ATP5PF: variants seen among roughly 807,000 people sequenced by gnomAD.
ATP5PF encodes ATP synthase peripheral stalk subunit F6.
ATP5PF carries 7 observed loss-of-function variants against 12.0 expected under a neutral mutation model. The ratio of observed to expected loss-of-function variants is 0.58; its 90% CI spans 0.33 to 1.10. ATP5PF has a LOEUF of 1.10. ATP5PF is among the 50% of genes least tolerant of loss of function. ATP5PF has a pLI of 0.03. For synonymous variants in ATP5PF, 41 were observed against 45.4 expected (o/e 0.90, Z 0.39); for missense variants, 120 against 127.7 (o/e 0.94, Z 0.29).
intron 2 of ATP5PF, among the ~76,000 whole-genome samples, chr21:25,726,753 T>C (rs2034629987): frequency 6.6e-6 from 1 of 152,256 alleles, no homozygotes; most frequent in Non-Finnish European, 1.5e-5. Flanking sequence ...CTTCTGTTTT[T>C]GTCATAAATA....
upstream of ATP5PF, chr21:25,735,302 T>A: frequency 2.8e-6 from 1 of 352,608 alleles, no homozygotes; most frequent in African/African-American, 2.1e-5. Flanking sequence ...TGGGGCGTTG[T>A]GCTTCCTTGT....
intron 3 of ATP5PF, 168 bp downstream of exon 3, chr21:25,725,058 G>T: frequency 3.5e-6 from 3 of 858,310 alleles, no homozygotes; most frequent in South Asian, 1.8e-5. Flanking sequence ...CTCCTATACT[G>T]CTCTTATTCT....
chr21:25,734,837 C>T lies in ATP5PF; in HGVS notation c.-8+16G>A, dbSNP rs2034958651. ...GTCCCAAAAGGCCACGCTGATCTAG[C>T]TACCCTCCCAGTCACCTTGCACTCA... On this transcript the variant is annotated intron_variant, in intron 1 of 3. Coordinates refer to ENST00000284971, the MANE Select transcript of ATP5PF (RefSeq NM_001003703.2). 6.5e-7 allele frequency: 1 copy of T among 1,533,836 alleles called. No individual in the cohort carries two copies. The highest frequency in any genetic ancestry group is 1.2e-5 in the South Asian group (1 of 83,764).
intron 1 of ATP5PF, chr21:25,734,336 C>T: frequency 3.0e-6 from 3 of 986,072 alleles, no homozygotes; most frequent in Non-Finnish European, 3.6e-6. Flanking sequence ...GACTGACCGG[C>T]CAAAGGTTAG....
chr21:25,735,067 G>A, upstream of ATP5PF: 3 of 1,108,530 alleles, frequency 2.7e-6, no homozygotes, highest in Non-Finnish European at 4.0e-6. Flanking sequence ...GGAGGAAGTG[G>A]AGGGTAAGTG....
chr21:25,734,223 G>T, intron 1 of ATP5PF: 1 of 666,312 alleles, frequency 1.5e-6, no homozygotes, highest in Non-Finnish European at 1.9e-6. Flanking sequence ...GCATATGATA[G>T]CGTCTGACAT....
intron 1 of ATP5PF, among the ~76,000 whole-genome samples, chr21:25,733,711 T>G (rs1016545780): frequency 1.3e-5 from 2 of 152,232 alleles, no homozygotes; most frequent in Non-Finnish European, 2.9e-5. Context: ...CTTCCATATA[T>G]ATCCTTTCCT....
chr21:25,732,939 G>A (rs7280688), intron 1 of ATP5PF, among the ~76,000 whole-genome samples: 13,354 of 119,254 alleles, frequency 0.11, 710 homozygotes, highest in Middle Eastern at 0.27. Flanking sequence ...CCGAGATCGC[G>A]CCACTGCACT....
At chr21:25,735,309 T>G (rs770108261), upstream of ATP5PF, 28 of 309,644 alleles carry the variant, frequency 9.0e-5, no homozygotes, top group Non-Finnish European at 1.5e-4. Flanking sequence ...TTGTGCTTCC[T>G]TGTACCTCGT....
At chr21:25,725,491 G>T in intron 2 of ATP5PF, 141 bp from the exon 3 acceptor site, 2 of 948,828 alleles carry the variant, frequency 2.1e-6, no homozygotes, top group Non-Finnish European at 3.0e-6. Flanking sequence ...CCAGGCTGGA[G>T]TGCGGTAGCA....
At chr21:25,734,587 G>A in intron 1 of ATP5PF, 1 of 421,210 alleles carries the variant, frequency 2.4e-6, no homozygotes, top group Non-Finnish European at 3.8e-6. Context: ...CCAGGCTGCG[G>A]GCCCGAGACC....
rs2034606159 is a variant in ATP5PF at position 25,725,861 on chromosome 21, C to T, written c.165-511G>A. On this transcript the variant is annotated intron_variant, in intron 2 of 3. Transcript: ENST00000284971. Reference sequence around the variant, plus strand: ...ATGAGGTTTCACATAAATGAGGTATCCTCAAACCAATCTCTAACATTCAAG... The same window carrying T: ...ATGAGGTTTCACATAAATGAGGTATTCTCAAACCAATCTCTAACATTCAAG... Among the ~76,000 whole-genome samples, 3 of 152,212 alleles carry T rather than the reference C, an allele frequency of 2.0e-5. No individual in the cohort carries two copies. The East Asian group carries it at 5.8e-4, about 29-fold the overall frequency.
At chr21:25,724,815 G>T in intron 3 of ATP5PF, 138 bp from the exon 4 acceptor site, 1 of 856,896 alleles carries the variant, frequency 1.2e-6, no homozygotes, top group Non-Finnish European at 1.8e-6. Flanking sequence ...TAGAAATATA[G>T]CTAAACATTT....
chr21:25,733,259 G>A (rs1601092586), intron 1 of ATP5PF, among the ~76,000 whole-genome samples: 1 of 151,970 alleles, frequency 6.6e-6, no homozygotes, highest in African/African-American at 2.4e-5. Context: ...GTCGGGCGCG[G>A]TGGCTCACGC....
Position 25,729,671 on chromosome 21 carries a change from GT to G in ATP5PF, c.123del (p.Lys41AsnfsTer47), listed in dbSNP as rs2034706316. 2 of 1,613,514 alleles carry G rather than the reference GT, an allele frequency of 1.2e-6. No individual in the cohort carries two copies. Among genetic ancestry groups the G allele is most frequent in the Non-Finnish European group, 1.7e-6 (2 of 1,179,704 alleles). ...AFNKELDPIQ[K>X]LFVDKIREYK... ...TATTCTCTAATCTTGTCCACAAAGAGTTTCTGTATAGGATCAAGTTCCTTAT... is the reference window on the plus strand; with the variant it reads ...TATTCTCTAATCTTGTCCACAAAGAGTTCTGTATAGGATCAAGTTCCTTAT... On this transcript the variant is annotated frameshift_variant, in exon 2 of 4. Coordinates refer to ENST00000284971, the MANE Select transcript of ATP5PF (RefSeq NM_001003703.2). LOFTEE classifies it high-confidence loss of function.
chr21:25,725,103 CACG>C, intron 3 of ATP5PF, 120 bp downstream of exon 3: 2 of 1,319,344 alleles, frequency 1.5e-6, no homozygotes, highest in East Asian at 2.4e-5. Context: ...TTCTCAGGCA[CACG>C]TCATGGTCCT....
At chr21:25,732,691 C>T (rs532895646) in intron 1 of ATP5PF, among the ~76,000 whole-genome samples, 8 of 150,182 alleles carry the variant, frequency 5.3e-5, no homozygotes, top group Middle Eastern at 3.6e-3. Context: ...TCAGGCCGGG[C>T]GTGATGGCTC....
upstream of ATP5PF, chr21:25,735,206 C>A: frequency 8.4e-6 from 5 of 593,458 alleles, no homozygotes; most frequent in South Asian, 9.9e-5. Flanking sequence ...AGTTCAAGCT[C>A]CCCTCCGAGT....
chr21:25,731,140 G>A (rs925954708), intron 1 of ATP5PF, among the ~76,000 whole-genome samples: 4 of 152,132 alleles, frequency 2.6e-5, no homozygotes, highest in African/African-American at 4.8e-5. Flanking sequence ...TATTTGGGAG[G>A]CTGAGGCAGG....
Sources: allele counts gnomAD v4.1 joint callset (sites outside exome capture counted in the v4.1 genomes callset), GRCh38; gene constraint gnomAD v4.1.1; transcripts MANE v1.5; gene names NCBI Gene and HGNC (gene_info 2026-07-23, HGNC 2026-07-21).